The following NRG4 variants were observed in gnomAD, a reference collection of about 807,000 sequenced individuals.
The protein encoded by NRG4 is pro-neuregulin-4, membrane-bound isoform.
NRG4 carries 10 observed loss-of-function variants against 15.0 expected under a neutral mutation model. That is an observed-to-expected ratio of 0.67 (90% CI 0.41 to 1.13). The LOEUF is 1.13. NRG4 is among the 50% of genes most tolerant of loss of function. The pLI, the probability that NRG4 is intolerant of heterozygous loss-of-function variation, is 0.00. For missense variants in NRG4, 139 were observed against 140.2 expected, an observed-to-expected ratio of 0.99 and a Z score of 0.04; for synonymous variants, 41 against 50.1, an observed-to-expected ratio of 0.82 and a Z score of 0.77.
intron 4 of NRG4, among the ~76,000 whole-genome samples, chr15:76,047,327 C>T (rs921308819): frequency 6.6e-6 from 1 of 150,902 alleles, no homozygotes; most frequent in Non-Finnish European, 1.5e-5. Flanking sequence ...GCACTCCCGT[C>T]TATACTGCAG....
At chr15:76,034,909 T>G (rs1428005874) in intron 5 of NRG4, among the ~76,000 whole-genome samples, 1 of 152,174 alleles carries the variant, frequency 6.6e-6, no homozygotes, top group East Asian at 1.9e-4. Flanking sequence ...AGGATCCTAC[T>G]GAAAAGTCAC....
chr15:75,960,772 G>A (rs2032477493), intron 4 of NRG4, among the ~76,000 whole-genome samples: 2 of 152,162 alleles, frequency 1.3e-5, no homozygotes, highest in Admixed American at 6.6e-5. Context: ...ATGTGGGAAT[G>A]AGGGATATCA....
At chr15:76,025,175 C>T (rs1463160237) in intron 5 of NRG4, among the ~76,000 whole-genome samples, 1 of 151,892 alleles carries the variant, frequency 6.6e-6, no homozygotes, top group Non-Finnish European at 1.5e-5. Flanking sequence ...CGTGGTGGCT[C>T]ACACCTGTAA....
intron 4 of NRG4, chr15:75,959,003 C>T (rs11638364): frequency 0.24 from 43,954 of 183,520 alleles, 6,443 homozygotes; most frequent in Non-Finnish European, 0.32. Context: ...TTTTTAGAGA[C>T]AGGGTCTTGC....
At chr15:76,041,806 A>T (rs2035749496) in intron 4 of NRG4, among the ~76,000 whole-genome samples, 1 of 152,188 alleles carries the variant, frequency 6.6e-6, no homozygotes, top group South Asian at 2.1e-4. Flanking sequence ...CATCAGACTT[A>T]ATCTGTACTA....
chr15:76,029,351 G>C (rs2035408302), intron 5 of NRG4, among the ~76,000 whole-genome samples: 1 of 151,892 alleles, frequency 6.6e-6, no homozygotes, highest in Non-Finnish European at 1.5e-5. Context: ...CATCATACCA[G>C]ATGGACTGGA....
intron 5 of NRG4, among the ~76,000 whole-genome samples, chr15:76,019,337 G>A (rs1347105999): frequency 6.6e-6 from 1 of 152,204 alleles, no homozygotes; most frequent in African/African-American, 2.4e-5. Flanking sequence ...CCAGGGGGGT[G>A]AACGGTTCTG....
chr15:76,027,886 C>T (rs2035357811), intron 5 of NRG4, among the ~76,000 whole-genome samples: 1 of 151,958 alleles, frequency 6.6e-6, no homozygotes, highest in Non-Finnish European at 1.5e-5. Flanking sequence ...CAAAACTATA[C>T]AAATACATGG....
chr15:76,041,469 T>C (rs567588479), intron 4 of NRG4, among the ~76,000 whole-genome samples: 2 of 151,948 alleles, frequency 1.3e-5, no homozygotes, highest in South Asian at 2.1e-4. Context: ...TACACATAGA[T>C]TGAAAATAAA....
intron 3 of NRG4, among the ~76,000 whole-genome samples, chr15:75,993,988 A>T (rs774089616): frequency 6.6e-6 from 1 of 151,994 alleles, no homozygotes; most frequent in Admixed American, 6.6e-5. Context: ...GGCTCATCTC[A>T]AGGTCTGACT....
chr15:76,059,823 G>A (rs2036252735), upstream of NRG4: 1 of 146,068 alleles, frequency 6.8e-6, no homozygotes, highest in Admixed American at 6.8e-5. Flanking sequence ...GCCGGCGGGA[G>A]GCGAGGGCGC....
At chr15:76,026,234 CA>C (rs747656723) in intron 5 of NRG4, among the ~76,000 whole-genome samples, 7 of 152,116 alleles carry the variant, frequency 4.6e-5, no homozygotes, top group Non-Finnish European at 1.0e-4. Flanking sequence ...AAGTCCTCTT[CA>C]ATGCACATTA....
chr15:75,961,507 T>C (rs573123898), intron 4 of NRG4, among the ~76,000 whole-genome samples: 3 of 152,348 alleles, frequency 2.0e-5, no homozygotes, highest in African/African-American at 7.2e-5. Flanking sequence ...GTTCCTTTTC[T>C]TTCACATACA....
At chr15:76,005,679 G>GAAAAA (rs776504828) in intron 3 of NRG4, 219 of 151,882 alleles carry the variant, frequency 1.4e-3, no homozygotes, top group South Asian at 1.7e-3. Context: ...CTCTGTCTCA[G>GAAAAA]AAAAAAAAAA....
At chr15:76,041,076 T>G (rs1398829832) in intron 4 of NRG4, among the ~76,000 whole-genome samples, 1 of 152,214 alleles carries the variant, frequency 6.6e-6, no homozygotes, top group East Asian at 1.9e-4. Flanking sequence ...ATGCAATCAG[T>G]GTTAAGTTGT....
At chr15:75,992,965 T>G (rs562965571) in intron 3 of NRG4, among the ~76,000 whole-genome samples, 6 of 152,258 alleles carry the variant, frequency 3.9e-5, no homozygotes, top group African/African-American at 1.4e-4. Context: ...CTTTTATTAT[T>G]GTCTTCATCC....
chr15:76,037,479 ACC>A (rs1044760905), intron 4 of NRG4, among the ~76,000 whole-genome samples: 2 of 152,144 alleles, frequency 1.3e-5, no homozygotes, highest in Non-Finnish European at 2.9e-5. Context: ...CTTAGCTGAC[ACC>A]CATCTACAGA....
At chr15:76,018,173 A>C (rs779180967) in intron 5 of NRG4, among the ~76,000 whole-genome samples, 1 of 152,152 alleles carries the variant, frequency 6.6e-6, no homozygotes, top group Non-Finnish European at 1.5e-5. Context: ...TTTTCAGCTC[A>C]ATCAGGTCAC....
intron 5 of NRG4, among the ~76,000 whole-genome samples, chr15:76,035,208 T>C (rs944430547): frequency 6.6e-6 from 1 of 152,218 alleles, no homozygotes; most frequent in African/African-American, 2.4e-5. Context: ...ATGCTTGTCA[T>C]CTCATGGTTA....
Sources: gnomAD v4.1 joint callset for allele counts (sites outside exome capture counted in the v4.1 genomes callset) on GRCh38, gnomAD v4.1.1 for gene constraint, MANE v1.5 for transcripts, NCBI Gene and HGNC (gene_info 2026-07-23, HGNC 2026-07-21) for gene names.